The following ANK2 variants were observed in gnomAD, a reference collection of about 807,000 sequenced individuals.
The protein encoded by ANK2 is ankyrin-2.
ANK2 carries 83 observed loss-of-function variants against 360.5 expected under a neutral mutation model. That is an observed-to-expected ratio of 0.23 (90% CI 0.19 to 0.28). The LOEUF is 0.28. Ranked by LOEUF, ANK2 falls within the 10% of genes least tolerant of loss-of-function variation. The pLI is 1.00. For missense variants in ANK2, 4,201 were observed against 4,795.7 expected (o/e 0.88, Z 3.66); for synonymous variants, 1,740 against 1,759.5 (o/e 0.99, Z 0.28).
At chr4:113,186,625 C>T (rs1395823707) in intron 2 of ANK2, among the ~76,000 whole-genome samples, 1 of 137,622 alleles carries the variant, frequency 7.3e-6, no homozygotes, top group Non-Finnish European at 1.5e-5. Context: ...CACTCTCTAT[C>T]TCTGTATTGA....
intron 19 of ANK2, 65 bp from the exon 20 acceptor site, chr4:113,288,323 T>C (rs1424696280): frequency 2.3e-6 from 3 of 1,300,772 alleles, no homozygotes; most frequent in African/African-American, 1.5e-5. Flanking sequence ...TCCTCTGGGG[T>C]ATTAACCACT....
chr4:113,150,045 A>G (rs1363362551), intron 1 of ANK2, among the ~76,000 whole-genome samples: 1 of 152,018 alleles, frequency 6.6e-6, no homozygotes, highest in Non-Finnish European at 1.5e-5. Context: ...GAAATGAGCC[A>G]TTATAGGATG....
chr4:113,215,749 C>A (rs2153467567), intron 4 of ANK2, among the ~76,000 whole-genome samples: 1 of 152,246 alleles, frequency 6.6e-6, no homozygotes, highest in South Asian at 2.1e-4. Context: ...ACAATACAGT[C>A]TTTGCTTTGC....
chr4:113,264,637 G>T (rs537884011), intron 13 of ANK2, among the ~76,000 whole-genome samples: 2 of 151,562 alleles, frequency 1.3e-5, no homozygotes, highest in African/African-American at 4.8e-5. Context: ...CAAGAGAATC[G>T]CTTGAACCCT....
chr4:112,902,899 G>A (rs2083898080), intron 1 of ANK2, among the ~76,000 whole-genome samples: 1 of 152,202 alleles, frequency 6.6e-6, no homozygotes. Context: ...GGGGAAGAAA[G>A]AGGACTGTGG....
intron 2 of ANK2, among the ~76,000 whole-genome samples, chr4:112,936,639 C>T (rs1162738363): frequency 2.6e-5 from 4 of 152,034 alleles, no homozygotes; most frequent in Admixed American, 6.5e-5. Context: ...CCACCACGCC[C>T]GGCCAGCATT....
At chr4:112,881,592 A>T in intron 1 of ANK2, 1 of 305,254 alleles carries the variant, frequency 3.3e-6, no homozygotes, top group Non-Finnish European at 6.0e-6. Flanking sequence ...TTAGCAATCA[A>T]CAGCATGGGT....
intron 1 of ANK2, among the ~76,000 whole-genome samples, chr4:113,101,878 A>G (rs2092907314): frequency 6.6e-6 from 1 of 152,124 alleles, no homozygotes; most frequent in African/African-American, 2.4e-5. Flanking sequence ...TGAGGACAAC[A>G]TTCCAGGCAG....
intron 29 of ANK2, 90 bp downstream of exon 29, chr4:113,333,298 ATG>A (rs60929199): frequency 0.15 from 159,848 of 1,098,828 alleles, 2 homozygotes; most frequent in East Asian, 0.22. Context: ...GTGTGTGTAT[ATG>A]TGTGTGTGTG....
upstream of ANK2, among the ~76,000 whole-genome samples, chr4:112,817,041 G>A (rs2055714286): frequency 6.6e-6 from 1 of 152,152 alleles, no homozygotes; most frequent in South Asian, 2.1e-4. Flanking sequence ...TCTCTGCTAG[G>A]GGAGCATTAT....
intron 1 of ANK2, among the ~76,000 whole-genome samples, chr4:113,137,746 C>T (rs2096490308): frequency 6.6e-6 from 1 of 152,078 alleles, no homozygotes; most frequent in Admixed American, 6.5e-5. Flanking sequence ...AGATTAAACA[C>T]ATATAAACAT....
At chr4:112,776,434 G>T in the ANK2 span, among the ~76,000 whole-genome samples, 1 of 152,146 alleles carries the variant, frequency 6.6e-6, no homozygotes, top group Admixed American at 6.5e-5. Flanking sequence ...AGCTTGACAA[G>T]GTTTGTACAG....
chr4:112,754,187 T>C, the ANK2 span, among the ~76,000 whole-genome samples: 2 of 147,616 alleles, frequency 1.4e-5, no homozygotes, highest in Non-Finnish European at 3.0e-5. Context: ...TTTCCAGTTG[T>C]TCACAGGTTC....
chr4:112,764,573 T>A, the ANK2 span, among the ~76,000 whole-genome samples: 15 of 152,132 alleles, frequency 9.9e-5, no homozygotes, highest in African/African-American at 3.6e-4. Context: ...TGACCTCAGG[T>A]GATCTACCCA....
intron 1 of ANK2, among the ~76,000 whole-genome samples, chr4:112,852,480 C>T (rs951658917): frequency 1.3e-5 from 2 of 152,186 alleles, no homozygotes; most frequent in African/African-American, 4.8e-5. Flanking sequence ...TCCACCCTTT[C>T]CCAACATTTC....
At chr4:112,969,298 ACAT>A (rs1437532232) in intron 2 of ANK2, among the ~76,000 whole-genome samples, 1 of 152,186 alleles carries the variant, frequency 6.6e-6, no homozygotes, top group Non-Finnish European at 1.5e-5. Flanking sequence ...TGGATTTGCA[ACAT>A]CTCGTTTCTC....
chr4:113,164,794 A>G (rs1003818110), intron 1 of ANK2, among the ~76,000 whole-genome samples: 1 of 152,218 alleles, frequency 6.6e-6, no homozygotes, highest in African/African-American at 2.4e-5. Context: ...CCTAATCCTT[A>G]AGTATTGCAG....
the ANK2 span, among the ~76,000 whole-genome samples, chr4:112,803,436 G>A: frequency 6.6e-6 from 1 of 152,118 alleles, no homozygotes; most frequent in Non-Finnish European, 1.5e-5. Flanking sequence ...GGGAAAGGAG[G>A]AGTAGATCGT....
chr4:112,949,883 G>T (rs2094816362), intron 2 of ANK2, among the ~76,000 whole-genome samples: 1 of 151,684 alleles, frequency 6.6e-6, no homozygotes, highest in African/African-American at 2.4e-5. Context: ...TTGCAAAAAG[G>T]GTTACTATTC....
Sources: allele counts gnomAD v4.1 joint callset (sites outside exome capture counted in the v4.1 genomes callset), GRCh38; gene constraint gnomAD v4.1.1; transcripts MANE v1.5; gene names NCBI Gene and HGNC (gene_info 2026-07-23, HGNC 2026-07-21).